The following DIPK2B variants were observed in gnomAD, a reference collection of about 807,000 sequenced individuals.
DIPK2B encodes UPF0672 protein CXorf36.
A neutral mutation model predicts 22.2 loss-of-function variants in DIPK2B; 15 were observed. The observed-to-expected ratio is 0.68, with a 90% confidence interval of 0.45 to 1.04. The LOEUF (loss-of-function observed/expected upper bound fraction) is 1.04, where lower values mean the gene tolerates loss of function less well. DIPK2B is among the 50% of genes least tolerant of loss of function. The probability of loss-of-function intolerance (pLI) is 0.00; values close to 1 mark genes in which losing one functional copy is unlikely to be tolerated. For missense variants in DIPK2B, 345 were observed against 348.3 expected, an observed-to-expected ratio of 0.99 and a Z score of 0.08; for synonymous variants, 163 against 153.2, an observed-to-expected ratio of 1.06 and a Z score of -0.47.
At chrX:45,164,648 A>G (rs2047038640) in intron 2 of DIPK2B, among the ~76,000 whole-genome samples, 1 of 112,085 alleles carries the variant, frequency 8.9e-6, no homozygotes, top group South Asian at 3.7e-4. Context: ...TAGCATTAGG[A>G]GAAATACCTA....
At chrX:45,156,321 C>A (rs781020662) in intron 3 of DIPK2B, among the ~76,000 whole-genome samples, 7 of 111,238 alleles carry the variant, frequency 6.3e-5, no homozygotes, top group African/African-American at 2.3e-4. Flanking sequence ...CCTGGGCCTA[C>A]TGTCGTTGTC....
chrX:45,179,601 G>T (rs1209593731), intron 2 of DIPK2B, among the ~76,000 whole-genome samples: 3 of 111,568 alleles, frequency 2.7e-5, no homozygotes, highest in Non-Finnish European at 5.7e-5. Context: ...TTCTAGAAAT[G>T]CAAAATGCAA....
Position 45,150,482 on chromosome X carries a change from T to G in DIPK2B, c.*1170A>C, listed in dbSNP as rs2046954307. 9.0e-6 allele frequency: 1 copy of G among 111,564 alleles called. No homozygotes were observed. Among genetic ancestry groups the G allele is most frequent in the Admixed American group, 9.5e-5 (1 of 10,517 alleles). The allele number at this position is 111,564 out of a possible 1,213,427, so 9.2% of individuals were successfully genotyped here. On this transcript the variant is annotated 3_prime_UTR_variant, in exon 5 of 5. Transcript: ENST00000398000. Reference sequence around the variant, plus strand: ...ATGAAAATTCCTAGACTCCTTAGAGTCCCAACTCGGAGCATGCGGTGTGGA... The same window carrying G: ...ATGAAAATTCCTAGACTCCTTAGAGGCCCAACTCGGAGCATGCGGTGTGGA...
In DIPK2B at chrX:45,154,195, A is replaced by G. The variant is rs746378602; in HGVS notation, c.676T>C (p.Phe226Leu). 1 of 1,194,584 alleles carries G rather than the reference A, an allele frequency of 8.4e-7. No individual in the cohort carries two copies. Among genetic ancestry groups the G allele is most frequent in the South Asian group, 1.8e-5 (1 of 54,687 alleles). ...VNSHPILLQI[F>L]PGAEGWPLPK... is the part of the protein sequence containing the mutation. ...AGCGGCCATCCCTCAGCCCCAGGGA[A>G]GATCTGCCAAGCCAGAAGGAGGAGG... Residue 226 changes from phenylalanine to leucine, a missense_variant, in exon 4 of 5, where the codon TTC becomes CTC. Phe to Leu is a conservative substitution (Grantham distance 22). Coordinates refer to ENST00000398000, the MANE Select transcript of DIPK2B (RefSeq NM_176819.4).
intron 4 of DIPK2B, among the ~76,000 whole-genome samples, chrX:45,153,021 G>A (rs780045374): frequency 2.1e-4 from 24 of 112,417 alleles, no homozygotes; most frequent in Non-Finnish European, 2.4e-4. Flanking sequence ...GAGTTGTAGT[G>A]TGACTGACGT....
chrX:45,193,853 G>A (rs1322812124), intron 1 of DIPK2B, among the ~76,000 whole-genome samples: 1 of 111,293 alleles, frequency 9.0e-6, no homozygotes, highest in East Asian at 2.8e-4. Context: ...CCCAGAGACT[G>A]GCCTGTCTGC....
chrX:45,187,000 C>T (rs973537034), intron 2 of DIPK2B, among the ~76,000 whole-genome samples: 1 of 112,624 alleles, frequency 8.9e-6, no homozygotes, highest in Non-Finnish European at 1.9e-5. Flanking sequence ...TTATTCTATG[C>T]ATTTTAAAAA....
At position 45,157,746 on chromosome X, in the gene DIPK2B, A is replaced by G. The variant is rs770176213; in HGVS notation, c.641T>C (p.Leu214Pro). The change falls in exon 3 of 5, where the codon CTG (leucine) becomes CCG (proline). Residue 214 changes from leucine (L) to proline (P), a missense_variant. By Grantham distance (98) the Leu-to-Pro change is moderately conservative. Transcript: ENST00000398000. ...DRDKLRLLYT[L>P]AVNSHPILLQ... ...GAGGATGGGGTGCGAGTTGACAGCC[A>G]GCGTGTAGAGCAGGCGCAGCTTGTC... is the stretch of plus-strand genomic sequence containing the variant. 1.0e-5 allele frequency: 12 copies of G among 1,195,367 alleles called. No homozygotes were observed. In the South Asian group the frequency reaches 2.2e-4, roughly 22 times the overall value.
At chrX:45,172,691 G>T (rs1346852183) in intron 2 of DIPK2B, among the ~76,000 whole-genome samples, 1 of 112,055 alleles carries the variant, frequency 8.9e-6, no homozygotes, top group Non-Finnish European at 1.9e-5. Flanking sequence ...TCAGCTAATA[G>T]TTGGGGCTAG....
chrX:45,161,293 G>A (rs1470872562), intron 2 of DIPK2B, among the ~76,000 whole-genome samples: 1 of 112,577 alleles, frequency 8.9e-6, no homozygotes, highest in Non-Finnish European at 1.9e-5. Flanking sequence ...TGTTATCCCA[G>A]CACTTCAGGA....
At chrX:45,187,547 T>A (rs747276922) in intron 2 of DIPK2B, among the ~76,000 whole-genome samples, 78 of 110,841 alleles carry the variant, frequency 7.0e-4, no homozygotes, top group Middle Eastern at 4.7e-3. Context: ...GGTCCTGTCG[T>A]CTTCCTTAGC....
chrX:45,176,784 AAG>A (rs2047121129), intron 2 of DIPK2B, among the ~76,000 whole-genome samples: 1 of 111,744 alleles, frequency 8.9e-6, no homozygotes, highest in Admixed American at 9.5e-5. Context: ...TCTCCTGAGC[AAG>A]AGGCTCCCCA....
intron 2 of DIPK2B, among the ~76,000 whole-genome samples, chrX:45,191,044 G>A (rs1256484505): frequency 8.0e-5 from 9 of 112,548 alleles, no homozygotes; most frequent in East Asian, 2.8e-4. Context: ...CATCTTCTGC[G>A]CAAAGGGGCT....
Position 45,157,706 on chromosome X carries a change from G to T in DIPK2B, c.672+9C>A. On this transcript the variant is annotated intron_variant, in intron 3 of 4. Coordinates refer to ENST00000398000, the MANE Select transcript of DIPK2B (RefSeq NM_176819.4). ...CCCAACCTAGAGGGCTTGCCAGGTCGCTGCATACCTGTAGGAGGATGGGGT... is the reference window on the plus strand; with the variant it reads ...CCCAACCTAGAGGGCTTGCCAGGTCTCTGCATACCTGTAGGAGGATGGGGT... 22 of 1,179,280 alleles carry T rather than the reference G, an allele frequency of 1.9e-5. No individual in the cohort carries two copies. Among genetic ancestry groups the T allele is most frequent in the Non-Finnish European group, 2.4e-5 (21 of 875,604 alleles).
rs1436084776 is a variant in DIPK2B at position 45,167,767 on chromosome X, C to A, written c.499-9879G>T. Among the ~76,000 whole-genome samples the A allele has an allele frequency of 2.7e-5, 3 of 111,146 alleles. No individual in the cohort carries two copies. In the East Asian group the frequency reaches 8.5e-4, roughly 32 times the overall value. ...TGGTGTGATCCCAGTTCACTGCAAC[C>A]TCCGCCTCCTGGGTTCAAGTGATTC... On this transcript the variant is annotated intron_variant, in intron 2 of 4. Transcript: ENST00000398000.
At chrX:45,181,325 T>C (rs2047150845) in intron 2 of DIPK2B, among the ~76,000 whole-genome samples, 2 of 112,072 alleles carry the variant, frequency 1.8e-5, no homozygotes, top group African/African-American at 3.2e-5. Context: ...ATATATTTAA[T>C]GAATCAAAAT....
intron 1 of DIPK2B, among the ~76,000 whole-genome samples, chrX:45,197,446 C>A (rs900052534): frequency 3.6e-5 from 4 of 111,561 alleles, no homozygotes; most frequent in Non-Finnish European, 7.5e-5. Context: ...CATTGTTGGC[C>A]AGGATGGTCT....
intron 2 of DIPK2B, among the ~76,000 whole-genome samples, chrX:45,158,952 G>GATA (rs1479783369): frequency 8.9e-6 from 1 of 111,782 alleles, no homozygotes; most frequent in Non-Finnish European, 1.9e-5. Context: ...TTCAGGATTT[G>GATA]AACCCAATGG....
chrX:45,180,666 T>C (rs1287461884), intron 2 of DIPK2B, among the ~76,000 whole-genome samples: 1 of 111,731 alleles, frequency 9.0e-6, no homozygotes, highest in Non-Finnish European at 1.9e-5. Context: ...ATAGGATAAA[T>C]ACACAAAAAT....
Sources: gnomAD v4.1 joint callset for allele counts (sites outside exome capture counted in the v4.1 genomes callset) on GRCh38, gnomAD v4.1.1 for gene constraint, MANE v1.5 for transcripts, NCBI Gene and HGNC (gene_info 2026-07-23, HGNC 2026-07-21) for gene names.